Variants in RASEF observed in about 807,000 individuals in gnomAD.
RASEF encodes the protein ras and EF-hand domain-containing protein.
A neutral mutation model predicts 90.1 loss-of-function variants in RASEF; 68 were observed. The ratio of observed to expected loss-of-function variants is 0.75; its 90% CI spans 0.62 to 0.92. The LOEUF (loss-of-function observed/expected upper bound fraction) is 0.92, where lower values mean the gene tolerates loss of function less well. RASEF is among the 40% of genes least tolerant of loss of function. RASEF has a pLI of 0.00. For missense variants in RASEF, 949 were observed against 937.2 expected (o/e 1.01, Z -0.16); for synonymous variants, 331 against 345.2 (o/e 0.96, Z 0.46).
intron 1 of RASEF, among the ~76,000 whole-genome samples, chr9:83,052,912 T>C (rs1830044575): frequency 6.7e-6 from 1 of 148,902 alleles, no homozygotes; most frequent in South Asian, 2.1e-4. Context: ...AAAGAGATAG[T>C]TTGTTATAAT....
the RASEF span, among the ~76,000 whole-genome samples, chr9:83,135,788 G>C: frequency 6.6e-6 from 1 of 152,154 alleles, no homozygotes; most frequent in Non-Finnish European, 1.5e-5. Flanking sequence ...TGCTTCACAA[G>C]TATGTTAGAG....
the RASEF span, among the ~76,000 whole-genome samples, chr9:83,205,325 C>A: frequency 6.6e-6 from 1 of 152,184 alleles, no homozygotes; most frequent in South Asian, 2.1e-4. Context: ...TTCAGATAAG[C>A]AAGCCATACA....
the RASEF span, chr9:83,200,799 T>C: frequency 6.6e-6 from 1 of 152,184 alleles, no homozygotes; most frequent in Non-Finnish European, 1.5e-5. Flanking sequence ...TATGTTGTGG[T>C]TCCCTGAAGT....
the RASEF span, among the ~76,000 whole-genome samples, chr9:83,073,502 C>G: frequency 1.3e-5 from 2 of 152,092 alleles, no homozygotes; most frequent in East Asian, 3.9e-4. Flanking sequence ...CCAGTGAAGG[C>G]AGTGTACAAC....
the RASEF span, among the ~76,000 whole-genome samples, chr9:83,124,042 T>C: frequency 0.023 from 3,566 of 152,336 alleles, 56 homozygotes; most frequent in Non-Finnish European, 0.037. Flanking sequence ...AGTGGGATCA[T>C]ACAGTATTTG....
At chr9:83,159,074 T>C in the RASEF span, among the ~76,000 whole-genome samples, 38 of 151,178 alleles carry the variant, frequency 2.5e-4, 1 homozygote, top group Admixed American at 4.6e-4. Context: ...TAGTCCCAGC[T>C]ACTTGGGAGG....
chr9:83,019,376 C>G (rs1443371305), intron 3 of RASEF, among the ~76,000 whole-genome samples: 1 of 152,156 alleles, frequency 6.6e-6, no homozygotes, highest in Admixed American at 6.5e-5. Flanking sequence ...AGATCCTCCA[C>G]ACAACTAGTC....
chr9:83,064,542 C>A (rs192268052), upstream of RASEF, among the ~76,000 whole-genome samples: 1 of 152,238 alleles, frequency 6.6e-6, no homozygotes, highest in Non-Finnish European at 1.5e-5. Context: ...TAAACTAAAT[C>A]TTTGAACTAT....
At chr9:83,129,170 G>A in the RASEF span, among the ~76,000 whole-genome samples, 1 of 152,112 alleles carries the variant, frequency 6.6e-6, no homozygotes, top group Non-Finnish European at 1.5e-5. Context: ...ACTTTGGGAG[G>A]CTGAGGTGGG....
At chr9:83,159,084 G>A in the RASEF span, among the ~76,000 whole-genome samples, 2 of 151,898 alleles carry the variant, frequency 1.3e-5, no homozygotes, top group Non-Finnish European at 2.9e-5. Flanking sequence ...TACTTGGGAG[G>A]CTGAAGCAGG....
the RASEF span, among the ~76,000 whole-genome samples, chr9:83,095,502 C>A: frequency 8.1e-5 from 12 of 148,196 alleles, no homozygotes; most frequent in African/African-American, 2.5e-5. Context: ...AGAAGGTAAA[C>A]CAGAGAGGAA....
At chr9:83,147,711 G>A in the RASEF span, among the ~76,000 whole-genome samples, 3 of 152,112 alleles carry the variant, frequency 2.0e-5, no homozygotes, top group Non-Finnish European at 4.4e-5. Flanking sequence ...TGGTACCCAG[G>A]TCCTTGTCTG....
intron 1 of RASEF, among the ~76,000 whole-genome samples, chr9:83,039,030 T>A (rs556030208): frequency 1.3e-5 from 2 of 152,332 alleles, no homozygotes; most frequent in South Asian, 4.1e-4. Flanking sequence ...GTTTTTTTGT[T>A]TTGTTTTTTC....
At chr9:83,198,129 A>G in the RASEF span, among the ~76,000 whole-genome samples, 15 of 152,260 alleles carry the variant, frequency 9.9e-5, no homozygotes, top group Admixed American at 7.2e-4. Flanking sequence ...ACCGCAGCTC[A>G]TTAGTCCTTT....
At chr9:83,155,246 G>T in the RASEF span, among the ~76,000 whole-genome samples, 2 of 152,170 alleles carry the variant, frequency 1.3e-5, no homozygotes. Context: ...TGGATGCTCT[G>T]TGACCCTTCT....
At chr9:83,192,913 T>C in the RASEF span, among the ~76,000 whole-genome samples, 2 of 152,206 alleles carry the variant, frequency 1.3e-5, no homozygotes, top group African/African-American at 4.8e-5. Context: ...AAAATGACTT[T>C]ACTGTTGAAA....
intron 8 of RASEF, 126 bp from the exon 9 acceptor site, chr9:83,004,712 A>G: frequency 1.6e-6 from 1 of 622,482 alleles, no homozygotes; most frequent in Non-Finnish European, 2.8e-6. Flanking sequence ...TAATGTAACT[A>G]AAAGTTTGTT....
At chr9:82,991,018 T>C (rs545405569) in intron 15 of RASEF, among the ~76,000 whole-genome samples, 1 of 152,310 alleles carries the variant, frequency 6.6e-6, no homozygotes, top group East Asian at 1.9e-4. Flanking sequence ...GCCTCCTGTT[T>C]GTCTTTAGGT....
upstream of RASEF, among the ~76,000 whole-genome samples, chr9:83,066,364 G>A (rs1830282581): frequency 6.6e-6 from 1 of 152,178 alleles, no homozygotes; most frequent in Non-Finnish European, 1.5e-5. Flanking sequence ...ACATCACTTA[G>A]TGTGTATGTC....
Sources: allele counts gnomAD v4.1 joint callset (sites outside exome capture counted in the v4.1 genomes callset), GRCh38; gene constraint gnomAD v4.1.1; transcripts MANE v1.5; gene names NCBI Gene and HGNC (gene_info 2026-07-23, HGNC 2026-07-21).